Variants in SPO11 observed in about 807,000 individuals in gnomAD.
SPO11 encodes the protein meiotic recombination protein SPO11.
SPO11 carries 49 observed loss-of-function variants against 51.6 expected under a neutral mutation model. The ratio of observed to expected loss-of-function variants is 0.95; its 90% CI spans 0.75 to 1.20. The LOEUF is 1.20. Ranked by LOEUF, SPO11 falls within the 50% of genes most tolerant of loss-of-function variation. The probability of loss-of-function intolerance (pLI) is 0.00; values close to 1 mark genes in which losing one functional copy is unlikely to be tolerated. For missense variants in SPO11, 431 were observed against 473.4 expected (o/e 0.91, Z 0.83); for synonymous variants, 176 against 158.2 (o/e 1.11, Z -0.84).
Position 57,343,456 on chromosome 20 carries a change from T to C in SPO11, c.1187T>C (p.Ile396Thr), listed in dbSNP as rs746992170. Reference protein sequence around the residue: ...LPNKLKFGGWI With the variant: ...LPNKLKFGGWT ...AACAAATTAAAATTTGGAGGATGGATATAAAAATAAATCAGAAGAACTTCT... is the reference window on the plus strand; with the variant it reads ...AACAAATTAAAATTTGGAGGATGGACATAAAAATAAATCAGAAGAACTTCT... The change falls in exon 13 of 13, where the codon ATA becomes ACA. Residue 396 changes from isoleucine (I) to threonine (T), a missense_variant. Ile to Thr is a moderately conservative substitution (Grantham distance 89, BLOSUM62 -1). Coordinates refer to ENST00000371263, the MANE Select transcript of SPO11 (RefSeq NM_012444.3). The C allele has an allele frequency of 1.2e-5, 19 of 1,592,808 alleles. 1 individual carries two copies. The South Asian group carries it at 2.0e-4, about 17-fold the overall frequency.
intron 6 of SPO11, 93 bp downstream of exon 6, chr20:57,334,929 TA>T: frequency 9.5e-7 from 1 of 1,048,254 alleles, no homozygotes; most frequent in Non-Finnish European, 1.4e-6. Context: ...TTATGTAACC[TA>T]GAGCTTAAGA....
chr20:57,334,962 T>C (rs898076369), intron 6 of SPO11, 126 bp downstream of exon 6: 1 of 718,544 alleles, frequency 1.4e-6, no homozygotes, highest in Admixed American at 2.9e-5. Context: ...AACTGAAAGA[T>C]GGATAGGAAT....
At chr20:57,341,172 A>C (rs935542780) in intron 11 of SPO11, among the ~76,000 whole-genome samples, 2 of 152,088 alleles carry the variant, frequency 1.3e-5, no homozygotes, top group African/African-American at 2.4e-5. Flanking sequence ...CTGAGTTTTA[A>C]CTCTAGATGT....
chr20:57,336,176 A>AT (rs1312979353), intron 8 of SPO11, among the ~76,000 whole-genome samples: 1 of 152,072 alleles, frequency 6.6e-6, no homozygotes, highest in Non-Finnish European at 1.5e-5. Flanking sequence ...TGTAACCTTG[A>AT]TAAGTTCATG....
intron 5 of SPO11, among the ~76,000 whole-genome samples, chr20:57,334,406 G>A (rs113359273): frequency 2.5e-4 from 38 of 152,122 alleles, no homozygotes; most frequent in African/African-American, 8.2e-4. Flanking sequence ...CACCTGCCTC[G>A]GCCTCCCAAA....
At chr20:57,335,774 A>T in intron 7 of SPO11, 24 bp from the exon 8 acceptor site, 1 of 1,401,766 alleles carries the variant, frequency 7.1e-7, no homozygotes, top group Non-Finnish European at 1.0e-6. Flanking sequence ...TCTTGCTTTC[A>T]ATTTATCAGC....
Position 57,338,354 on chromosome 20 carries a change from C to A in SPO11, c.823C>A (p.Leu275Ile). 1.2e-6 allele frequency: 2 copies of A among 1,611,356 alleles called. No homozygotes were observed. Among genetic ancestry groups the A allele is most frequent in the Non-Finnish European group, 1.7e-6 (2 of 1,177,738 alleles). The change falls in exon 9 of 13, where the codon CTT becomes ATT. Residue 275 changes from leucine (L) to isoleucine (I), a missense_variant. Physicochemically the swap from Leu to Ile is conservative, Grantham distance 5. Transcript: ENST00000371263. Reference protein sequence around the residue: ...WDTFHVPVFTLVDADPHGIEI... With the variant: ...WDTFHVPVFTIVDADPHGIEI... ...TACATTTCATGTTCCTGTTTTCACT[C>A]TTGTAGATGCTGATCCACATGGTAA...
At chr20:57,333,089 T>G (rs1271064584) in intron 2 of SPO11, 99 bp from the exon 3 acceptor site, 1 of 798,224 alleles carries the variant, frequency 1.3e-6, no homozygotes, top group Non-Finnish European at 2.0e-6. Context: ...AGAAGAAATG[T>G]GGGTTTTAAA....
rs1254425659 is a variant in SPO11, at chr20:57,340,035, T to G, written c.883-67T>G. 12 of 1,120,012 alleles carry G rather than the reference T, an allele frequency of 1.1e-5. No individual in the cohort carries two copies. In the Admixed American group the frequency reaches 1.8e-4, roughly 17 times the overall value. 69.4% of individuals were successfully genotyped at this position (1,120,012 alleles called of 1,614,324 possible). On this transcript the variant is annotated intron_variant, in intron 10 of 12. Transcript: ENST00000371263. Reference sequence around the variant, plus strand: ...CTTCTTAATAAGTGAAAAATTTGACTGAAAAACAAGAATGCTAGTTTTCTA... The same window carrying G: ...CTTCTTAATAAGTGAAAAATTTGACGGAAAAACAAGAATGCTAGTTTTCTA...
chr20:57,338,223 TA>T, intron 8 of SPO11, 52 bp from the exon 9 acceptor site: 1 of 1,245,696 alleles, frequency 8.0e-7, no homozygotes, highest in Non-Finnish European at 1.2e-6. Context: ...AGTATAATTG[TA>T]ACCATTTTAT....
chr20:57,335,404 C>G lies in SPO11; in HGVS notation c.598-15C>G. On this transcript the variant is annotated splice_polypyrimidine_tract_variant and intron_variant, in intron 6 of 12. Coordinates refer to ENST00000371263, the MANE Select transcript of SPO11 (RefSeq NM_012444.3). ...TTTTGCTTTTTATGTAAGATAAAAA[C>G]TTTTTTTTTAAAAGGCTGTTGCTGT... 1.3e-6 allele frequency: 2 copies of G among 1,588,748 alleles called. No homozygotes were observed. Among genetic ancestry groups the G allele is most frequent in the Non-Finnish European group, 1.7e-6 (2 of 1,167,070 alleles).
At chr20:57,340,679 A>ATTGCTTGAACCTGGGAGACGGCAG (rs1244234775) in intron 11 of SPO11, among the ~76,000 whole-genome samples, 1 of 151,960 alleles carries the variant, frequency 6.6e-6, no homozygotes, top group Non-Finnish European at 1.5e-5. Context: ...AGGCCCAAGA[A>ATTGCTTGAACCTGGGAGACGGCAG]TTGCTTGAAC....
intron 11 of SPO11, among the ~76,000 whole-genome samples, chr20:57,341,706 G>A (rs1037927855): frequency 6.6e-6 from 1 of 152,196 alleles, no homozygotes; most frequent in Non-Finnish European, 1.5e-5. Context: ...TCAATTTAGT[G>A]TATGTGTGTC....
rs545289247 is a variant in SPO11, at chr20:57,338,088, C to T, written c.745-188C>T. 2.0e-5 allele frequency among the ~76,000 whole-genome samples: 3 copies of T among 152,188 alleles called. No individual in the cohort carries two copies. The East Asian group carries it at 5.8e-4, about 29-fold the overall frequency. On this transcript the variant is annotated intron_variant, in intron 8 of 12. Transcript: ENST00000371263. ...TTTTAGTAGAGACGGGGTTTCACCA[C>T]GTTGGCCAGACTGGTCTCAAATTCC...
intron 1 of SPO11, among the ~76,000 whole-genome samples, chr20:57,330,338 G>A (rs2066431757): frequency 6.6e-6 from 1 of 151,952 alleles, no homozygotes; most frequent in South Asian, 2.1e-4. Flanking sequence ...TTTTTTAAAC[G>A]TTTTTTGGGA....
chr20:57,337,867 A>C (rs2066531827), intron 8 of SPO11: 1 of 678,430 alleles, frequency 1.5e-6, no homozygotes, highest in African/African-American at 1.9e-5. Flanking sequence ...GTATGAGCAT[A>C]ACCTATAATT....
chr20:57,339,132 A>C (rs1024901678), intron 10 of SPO11, 106 bp downstream of exon 10: 1 of 663,288 alleles, frequency 1.5e-6, no homozygotes, highest in Non-Finnish European at 2.4e-6. Flanking sequence ...GAGAGTGCCC[A>C]AAGTGTACCT....
At chr20:57,330,163 G>A (rs559234507) in intron 1 of SPO11, among the ~76,000 whole-genome samples, 165 bp downstream of exon 1, 1 of 152,174 alleles carries the variant, frequency 6.6e-6, no homozygotes, top group African/African-American at 2.4e-5. Context: ...GACCTGCTTT[G>A]AACCCTTATT....
rs531812541 is a variant in SPO11, at chr20:57,342,778, A to G, written c.1009A>G (p.Met337Val). The G allele has an allele frequency of 2.9e-5, 47 of 1,613,766 alleles. No individual in the cohort carries two copies. In the South Asian group the frequency reaches 4.9e-4, roughly 17 times the overall value. Residue 337 changes from methionine (M) to valine (V), a missense_variant, in exon 12 of 13, where the codon ATG becomes GTG. This residue lies in a region of SPO11 where 405 missense variants were observed against 425.9 expected (regional missense o/e 0.95). Transcript: ENST00000371263. ...GATTCCACTGACAAAAAGGGACCAA[A>G]TGAAACTTGACAGTATCCTGAGGAG... ...SLIPLTKRDQ[M>V]KLDSILRRPY...
Sources: gnomAD v4.1 joint callset for allele counts (sites outside exome capture counted in the v4.1 genomes callset) on GRCh38, gnomAD v4.1.1 for gene constraint, gnomAD v4.1.1 regional missense constraint, MANE v1.5 for transcripts, NCBI Gene and HGNC (gene_info 2026-07-23, HGNC 2026-07-21) for gene names.